The following HPSE2 variants were observed in gnomAD, a reference collection of about 807,000 sequenced individuals.
HPSE2 encodes the protein inactive heparanase-2.
HPSE2 carries 38 observed loss-of-function variants against 60.5 expected under a neutral mutation model. The ratio of observed to expected loss-of-function variants is 0.63; its 90% CI spans 0.48 to 0.82. The LOEUF is 0.82. Among genes scored for constraint, HPSE2 ranks in the 40% least tolerant of loss-of-function variants. The pLI is 0.00. For missense variants in HPSE2, 713 were observed against 740.4 expected, an observed-to-expected ratio of 0.96 and a Z score of 0.43; for synonymous variants, 295 against 293.2, an observed-to-expected ratio of 1.01 and a Z score of -0.06.
chr10:99,080,556 C>A (rs1240077423), intron 3 of HPSE2, among the ~76,000 whole-genome samples: 1 of 152,216 alleles, frequency 6.6e-6, no homozygotes, highest in Non-Finnish European at 1.5e-5. Context: ...TGGCATTACC[C>A]TGACACTGCT....
chr10:98,976,292 T>C (rs1181919553), intron 3 of HPSE2, among the ~76,000 whole-genome samples: 1 of 152,206 alleles, frequency 6.6e-6, no homozygotes, highest in African/African-American at 2.4e-5. Context: ...TAATAATAGT[T>C]AATGCATATT....
chr10:98,593,628 G>A (rs1000064381), intron 9 of HPSE2, among the ~76,000 whole-genome samples: 2 of 152,134 alleles, frequency 1.3e-5, no homozygotes, highest in South Asian at 4.1e-4. Flanking sequence ...GACAGTGGAT[G>A]GCTTGGATTT....
rs144324207 is a variant in HPSE2, at chr10:98,718,290, G to A, written c.956+3367C>T. ...TTATTAAGTAATTCCCATTTTCCAG[G>A]CCACAGGCTGATCCCTGAAGATACT... On this transcript the variant is annotated intron_variant, in intron 5 of 11. Coordinates refer to ENST00000370552, the MANE Select transcript of HPSE2 (RefSeq NM_021828.5). 2.4e-3 allele frequency among the ~76,000 whole-genome samples: 365 copies of A among 152,182 alleles called. 3 individuals carry two copies. Among genetic ancestry groups the A allele is most frequent in the African/African-American group, 8.3e-3 (346 of 41,518 alleles).
intron 3 of HPSE2, among the ~76,000 whole-genome samples, chr10:99,050,380 A>G (rs995567534): frequency 6.6e-6 from 1 of 152,126 alleles, no homozygotes; most frequent in Non-Finnish European, 1.5e-5. Flanking sequence ...TTTGTACACT[A>G]CTGGTGGGAA....
At chr10:98,775,484 G>A (rs547881027) in intron 3 of HPSE2, among the ~76,000 whole-genome samples, 20 of 152,284 alleles carry the variant, frequency 1.3e-4, no homozygotes, top group Non-Finnish European at 2.2e-4. Context: ...TGCAATCTGT[G>A]ATGAAGCCCA....
intron 5 of HPSE2, among the ~76,000 whole-genome samples, chr10:98,701,893 G>A (rs1188157471): frequency 2.6e-5 from 4 of 152,092 alleles, no homozygotes; most frequent in Non-Finnish European, 5.9e-5. Context: ...TGAAGAAGCT[G>A]CATCAACAAG....
At chr10:98,970,028 C>T (rs61165722) in intron 3 of HPSE2, among the ~76,000 whole-genome samples, 2,924 of 151,672 alleles carry the variant, frequency 0.019, 106 homozygotes, top group East Asian at 0.15. Flanking sequence ...ATGGCGTGAT[C>T]TCAGCTCACT....
At chr10:99,032,979 AC>A (rs1172916074) in intron 3 of HPSE2, among the ~76,000 whole-genome samples, 1 of 152,204 alleles carries the variant, frequency 6.6e-6, no homozygotes, top group African/African-American at 2.4e-5. Flanking sequence ...CTGACTAGAA[AC>A]CTTAATTTCA....
At chr10:98,737,051 T>C (rs1949376396) in intron 4 of HPSE2, among the ~76,000 whole-genome samples, 1 of 152,088 alleles carries the variant, frequency 6.6e-6, no homozygotes, top group African/African-American at 2.4e-5. Flanking sequence ...AAAGACTATA[T>C]GGTTTCTTGT....
chr10:98,908,643 G>A (rs7084022), intron 3 of HPSE2, among the ~76,000 whole-genome samples: 22,431 of 127,676 alleles, frequency 0.18, 2,590 homozygotes, highest in African/African-American at 0.35. Context: ...AGATCGTGCC[G>A]TTGCACTCCA....
intron 3 of HPSE2, among the ~76,000 whole-genome samples, chr10:98,745,165 G>A (rs1346510626): frequency 1.3e-5 from 2 of 152,168 alleles, no homozygotes; most frequent in African/African-American, 4.8e-5. Flanking sequence ...TTGCGCCACT[G>A]TACTCCAGCC....
At chr10:98,675,984 A>C (rs1256318805) in intron 6 of HPSE2, among the ~76,000 whole-genome samples, 2 of 151,980 alleles carry the variant, frequency 1.3e-5, no homozygotes, top group Admixed American at 6.6e-5. Flanking sequence ...TAGAGGCTGC[A>C]GTGAGCTTTG....
At chr10:98,840,773 T>G (rs577221513) in intron 3 of HPSE2, among the ~76,000 whole-genome samples, 60 of 152,174 alleles carry the variant, frequency 3.9e-4, no homozygotes, top group African/African-American at 1.3e-3. Flanking sequence ...TATAAAGAAA[T>G]TAGCATTTTT....
chr10:99,009,032 A>T (rs1338515655), intron 3 of HPSE2, among the ~76,000 whole-genome samples: 1 of 152,032 alleles, frequency 6.6e-6, no homozygotes. Context: ...AGTTGAGGGG[A>T]ATTATGAAAA....
rs13377182 is a variant in HPSE2, at chr10:98,469,987, A to G, written c.1614-10248T>C. Among the ~76,000 whole-genome samples, 326 of 152,256 alleles carry G rather than the reference A, an allele frequency of 2.1e-3. 1 individual carries two copies. The highest frequency in any genetic ancestry group is 7.2e-3 in the African/African-American group (299 of 41,552). On this transcript the variant is annotated intron_variant, in intron 11 of 11. Transcript: ENST00000370552. ...CTCTGAGTTACGGTAGCCTCTGTGG[A>G]GAGGGACCAGGTTTCCCCAGTCCTA...
chr10:99,076,914 C>G (rs567592819), intron 3 of HPSE2, among the ~76,000 whole-genome samples: 1 of 152,310 alleles, frequency 6.6e-6, no homozygotes, highest in South Asian at 2.1e-4. Flanking sequence ...AAAGAACTCT[C>G]TCAGCTTTTG....
chr10:99,107,556 A>G (rs1449274242), intron 3 of HPSE2, among the ~76,000 whole-genome samples: 4 of 152,202 alleles, frequency 2.6e-5, no homozygotes, highest in Non-Finnish European at 5.9e-5. Context: ...ATTCTAAATT[A>G]TATTTTTATT....
chr10:98,795,647 A>G (rs1249322503), intron 3 of HPSE2, among the ~76,000 whole-genome samples: 2 of 152,210 alleles, frequency 1.3e-5, no homozygotes, highest in East Asian at 3.9e-4. Flanking sequence ...GGCTGGGCTC[A>G]GAGCCAGTAG....
At chr10:98,465,751 CT>C (rs1191742259) in intron 11 of HPSE2, among the ~76,000 whole-genome samples, 3 of 152,176 alleles carry the variant, frequency 2.0e-5, no homozygotes, top group Non-Finnish European at 2.9e-5. Flanking sequence ...TGGCTCGTGA[CT>C]TTTTAAATCA....
Sources: allele counts gnomAD v4.1 joint callset (sites outside exome capture counted in the v4.1 genomes callset), GRCh38; gene constraint gnomAD v4.1.1; transcripts MANE v1.5; gene names NCBI Gene and HGNC (gene_info 2026-07-23, HGNC 2026-07-21).